ZNF506: variants seen among roughly 807,000 people sequenced by gnomAD.
ZNF506 encodes the protein zinc finger protein 506.
In ZNF506, 10 loss-of-function variants were observed where a neutral mutation model predicts 11.6. The ratio of observed to expected loss-of-function variants is 0.86; its 90% CI spans 0.53 to 1.46. The LOEUF is 1.46. ZNF506 is among the 40% of genes most tolerant of loss of function. ZNF506 has a pLI of 0.00. For synonymous variants in ZNF506, 156 were observed against 173.3 expected (o/e 0.90, Z 0.78); for missense variants, 425 against 521.2 (o/e 0.82, Z 1.80).
intron 1 of ZNF506, among the ~76,000 whole-genome samples, chr19:19,819,639 C>A (rs1411376841): frequency 4.6e-5 from 7 of 152,112 alleles, no homozygotes; most frequent in Non-Finnish European, 1.0e-4. Flanking sequence ...AGAGGGTAAT[C>A]TTGACCCAAA....
At chr19:19,817,007 G>A (rs1457750710) in intron 1 of ZNF506, among the ~76,000 whole-genome samples, 2 of 151,366 alleles carry the variant, frequency 1.3e-5, no homozygotes, top group East Asian at 3.9e-4. Flanking sequence ...CTTCATATTG[G>A]TCAGGCTGGT....
intron 1 of ZNF506, among the ~76,000 whole-genome samples, chr19:19,817,167 C>T (rs967103458): frequency 6.6e-6 from 1 of 152,126 alleles, no homozygotes; most frequent in Non-Finnish European, 1.5e-5. Flanking sequence ...CTTTGAGCTA[C>T]CCTCAGTCTG....
rs761511153 is a variant in ZNF506 at position 19,806,115 on chromosome 19, A to G, written c.142T>C (p.Ser48Pro). 13 of 1,603,106 alleles carry G rather than the reference A, an allele frequency of 8.1e-6. No individual in the cohort carries two copies. In the Admixed American group the frequency reaches 1.9e-4, roughly 24 times the overall value. The change falls in exon 3 of 4, where the codon TCT (serine) becomes CCT (proline). Residue 48 changes from serine to proline, a missense_variant. Ser to Pro is a moderately conservative substitution (Grantham distance 74). This residue lies in a region of ZNF506 where 226 missense variants were observed against 279.1 expected (regional missense o/e 0.81). Transcript: ENST00000540806. ...RNLIFLGIVVSKPNLITCLEQ... is the reference protein window; with the variant it reads ...RNLIFLGIVVPKPNLITCLEQ... ...AGACAGGTGATCAGGTTTGGTTTAG[A>G]GACAACAATACCTGTTTTATTAAGA...
chr19:19,808,031 G>T (rs543999682), intron 1 of ZNF506, among the ~76,000 whole-genome samples: 1 of 139,098 alleles, frequency 7.2e-6, no homozygotes, highest in Non-Finnish European at 1.5e-5. Context: ...GCTGCATAAA[G>T]ATACTTAATA....
chr19:19,795,508 T>A lies in ZNF506; in HGVS notation c.379A>T (p.Lys127Ter), dbSNP rs1440136853. 1.2e-6 allele frequency: 2 copies of A among 1,600,756 alleles called. No individual in the cohort carries two copies. The highest frequency in any genetic ancestry group is 1.7e-6 in the Non-Finnish European group (2 of 1,175,440). Reference protein sequence around the residue: ...CESVDECPVHKRGYNGLKQCL... With the variant: ...CESVDECPVH ...TGTTTAAGTCCATTATAACCTCTTT[T>A]GTGCACTGGACACTCATCTACACTT... The change falls in exon 4 of 4, where the codon AAA becomes TAA. Residue 127 changes from lysine (K) to a stop codon, truncating the protein, a stop_gained. Transcript: ENST00000540806. LOFTEE classifies it low-confidence loss of function (END_TRUNC).
At chr19:19,806,897 A>G in intron 2 of ZNF506, 45 bp downstream of exon 2, 2 of 1,574,026 alleles carry the variant, frequency 1.3e-6, no homozygotes, top group Non-Finnish European at 1.7e-6. Flanking sequence ...GAGAAATAAA[A>G]CCTTTAGAGT....
intron 1 of ZNF506, among the ~76,000 whole-genome samples, chr19:19,817,939 T>C (rs1330198693): frequency 6.6e-6 from 1 of 150,782 alleles, no homozygotes; most frequent in African/African-American, 2.4e-5. Context: ...GCCACTCTCC[T>C]GCCTCAGCCT....
intron 1 of ZNF506, among the ~76,000 whole-genome samples, chr19:19,817,473 A>T (rs1023372628): frequency 6.6e-6 from 1 of 151,612 alleles, no homozygotes; most frequent in African/African-American, 2.4e-5. Flanking sequence ...GTACCTCAAA[A>T]CAATAACAAC....
chr19:19,818,811 T>G (rs1246845116), intron 1 of ZNF506, among the ~76,000 whole-genome samples: 1 of 152,020 alleles, frequency 6.6e-6, no homozygotes, highest in Non-Finnish European at 1.5e-5. Flanking sequence ...GAAGCCAGCC[T>G]GGTCCATCTC....
In ZNF506 at chr19:19,795,589, G is replaced by T. The variant is rs367876686; in HGVS notation, c.298C>A (p.Leu100Ile). The T allele has an allele frequency of 6.4e-7, 1 of 1,570,216 alleles. No individual in the cohort carries two copies. Among genetic ancestry groups the T allele is most frequent in the African/African-American group, 1.4e-5 (1 of 72,676 alleles). ...TGTCTACATTTTTCATATCTTCTTAGTATCACTTTTTGGAAAGAATCTTTT... is the reference window on the plus strand; with the variant it reads ...TGTCTACATTTTTCATATCTTCTTATTATCACTTTTTGGAAAGAATCTTTT... ...SIKDSFQKVI[L>I]RRYEKCRHDN... Residue 100 changes from leucine (L) to isoleucine (I), a missense_variant, in exon 4 of 4, where the codon CTA becomes ATA. Around this residue, in one of 3 missense-constraint regions of ZNF506, gnomAD observed 226 missense variants for 279.1 expected, o/e 0.81. Coordinates refer to ENST00000540806, the MANE Select transcript of ZNF506 (RefSeq NM_001099269.3).
intron 3 of ZNF506, chr19:19,796,789 A>G (rs1283191002): frequency 1.3e-5 from 2 of 152,214 alleles, no homozygotes; most frequent in Non-Finnish European, 2.9e-5. Flanking sequence ...GTCTAAAGGT[A>G]AATGTTTCAG....
At chr19:19,798,439 G>A (rs1000170710) in intron 3 of ZNF506, 3 of 151,658 alleles carry the variant, frequency 2.0e-5, no homozygotes, top group South Asian at 2.1e-4. Context: ...ACAAGGTCAG[G>A]AGATGGAGAC....
intron 1 of ZNF506, among the ~76,000 whole-genome samples, chr19:19,814,545 G>A (rs2062913506): frequency 6.6e-6 from 1 of 152,038 alleles, no homozygotes; most frequent in Admixed American, 6.6e-5. Flanking sequence ...CTAGTTGAGG[G>A]TGGAGGATGG....
In ZNF506 at chr19:19,793,205, C is replaced by G. The variant is rs191801325; in HGVS notation, c.*1347G>C. Among the ~76,000 whole-genome samples the G allele has an allele frequency of 4.2e-3, 644 of 152,064 alleles. 6 individuals are homozygous for G. The highest frequency in any genetic ancestry group is 0.015 in the African/African-American group (614 of 41,504). ...CTTTTAAAGTTATATACAAAAACAGCTTTAGTTGTGGATTCATTTTTATAC... is the reference window on the plus strand; with the variant it reads ...CTTTTAAAGTTATATACAAAAACAGGTTTAGTTGTGGATTCATTTTTATAC... On this transcript the variant is annotated 3_prime_UTR_variant, in exon 4 of 4. Coordinates refer to ENST00000540806, the MANE Select transcript of ZNF506 (RefSeq NM_001099269.3).
chr19:19,800,447 C>T (rs1208174493), intron 3 of ZNF506, among the ~76,000 whole-genome samples: 1 of 130,612 alleles, frequency 7.7e-6, no homozygotes, highest in Non-Finnish European at 1.7e-5. Flanking sequence ...GATGGAGTCT[C>T]ACTCTGTCTC....
At position 19,821,730 on chromosome 19, in the gene ZNF506, C is replaced by G. The variant is rs2062969032; in HGVS notation, c.-127G>C. On this transcript the variant is annotated 5_prime_UTR_variant, in exon 1 of 4. Transcript: ENST00000540806. Reference sequence around the variant, plus strand: ...AGCAGTGAAGACGATAGCTGGATCTCTGGCGTCAGCGAGAGACAATGGGCC... The same window carrying G: ...AGCAGTGAAGACGATAGCTGGATCTGTGGCGTCAGCGAGAGACAATGGGCC... 1 of 1,272,796 alleles carries G rather than the reference C, an allele frequency of 7.9e-7. No homozygotes were observed. Among genetic ancestry groups the G allele is most frequent in the Non-Finnish European group, 1.1e-6 (1 of 879,686 alleles). The allele number at this position is 1,272,796 out of a possible 1,614,324, so 78.8% of individuals were successfully genotyped here. A position where few individuals can be genotyped will look rare whatever the true frequency, so the allele number is the denominator to read the frequency against.
At chr19:19,808,725 C>A (rs1204372888) in intron 1 of ZNF506, among the ~76,000 whole-genome samples, 1 of 150,872 alleles carries the variant, frequency 6.6e-6, no homozygotes, top group Non-Finnish European at 1.5e-5. Flanking sequence ...CACCTGTAAT[C>A]CCAGCTACTT....
At chr19:19,812,832 C>G (rs1292298864) in intron 1 of ZNF506, among the ~76,000 whole-genome samples, 4 of 152,154 alleles carry the variant, frequency 2.6e-5, no homozygotes, top group African/African-American at 9.7e-5. Context: ...CCCCTAAAAG[C>G]AATTTCTCTC....
chr19:19,814,980 G>A (rs185911202), intron 1 of ZNF506, among the ~76,000 whole-genome samples: 47 of 152,032 alleles, frequency 3.1e-4, no homozygotes, highest in African/African-American at 1.0e-3. Context: ...ATTGTGGGCC[G>A]GGCGCTGTGG....
Sources: allele counts gnomAD v4.1 joint callset (sites outside exome capture counted in the v4.1 genomes callset), GRCh38; gene constraint gnomAD v4.1.1; regional missense constraint gnomAD v4.1.1; transcripts MANE v1.5; gene names NCBI Gene and HGNC (gene_info 2026-07-23, HGNC 2026-07-21).